PRPF8: variants seen among roughly 807,000 people sequenced by gnomAD.
PRPF8 encodes pre-mRNA-processing-splicing factor 8.
A neutral mutation model predicts 285.9 loss-of-function variants in PRPF8; 64 were observed. That is an observed-to-expected ratio of 0.22 (90% CI 0.18 to 0.28). The LOEUF (loss-of-function observed/expected upper bound fraction) is 0.28. Ranked by LOEUF, PRPF8 falls within the 10% of genes least tolerant of loss-of-function variation. The pLI is 1.00. For synonymous variants in PRPF8, 1,325 were observed against 1,118.2 expected (o/e 1.18, Z -3.69); for missense variants, 1,426 against 3,026.7 (o/e 0.47, Z 12.41).
chr17:1,662,207 TGGA>T lies in PRPF8; in HGVS notation c.3775-57_3775-55del, dbSNP rs373283021. 791 of 1,598,102 alleles carry T rather than the reference TGGA, an allele frequency of 4.9e-4. 3 individuals are homozygous for T. In the African/African-American group the frequency reaches 9.8e-3, roughly 20 times the overall value. ...ACAGATGAGCCAGGGGCGGGGAGGG[TGGA>T]GACTACTTGATGCAGTTAGTTTTAT... On this transcript the variant is annotated intron_variant, in intron 24 of 42. Transcript: ENST00000304992.
At position 1,659,118 on chromosome 17, in the gene PRPF8, C is replaced by T. The variant is rs1170444823; in HGVS notation, c.5138+239G>A. The T allele has an allele frequency of 1.3e-5, 8 of 639,966 alleles. No homozygotes were observed. The highest frequency in any genetic ancestry group is 5.6e-5 in the East Asian group (2 of 35,706). 39.6% of individuals were successfully genotyped at this position (639,966 alleles called of 1,614,324 possible). A position where few individuals can be genotyped will look rare whatever the true frequency, so the allele number is the denominator to read the frequency against. On this transcript the variant is annotated intron_variant, in intron 32 of 42. Transcript: ENST00000304992. This position sits in a 1 kb window ranked among gnomAD's most constrained non-coding sequence, Gnocchi z 5.1. ...TCGGTTCACTGCAAGCTCCGCCTCC[C>T]GGGTTCAAGTAATTCTCCCACCTCA...
rs766993679 is a variant in PRPF8, at chr17:1,680,983, T to C, written c.938A>G (p.Lys313Arg). 1 of 1,613,716 alleles carries C rather than the reference T, an allele frequency of 6.2e-7. No individual in the cohort carries two copies. The highest frequency in any genetic ancestry group is 2.2e-5 in the East Asian group (1 of 44,884). Residue 313 changes from lysine to arginine, a missense_variant, in exon 7 of 43, where the codon AAG becomes AGG. Around this residue, in one of 34 missense-constraint regions of PRPF8, gnomAD observed 157 missense variants for 159.6 expected, o/e 0.98. Transcript: ENST00000304992. ...IIRQPIRTEY[K>R]IAFPYLYNNL... is the part of the protein sequence containing the mutation. Reference sequence around the variant, plus strand: ...GTTGTACAAGTAAGGAAAAGCAATCTTGTACTCAGTGCGGATAGGCTGCCG... The same window carrying C: ...GTTGTACAAGTAAGGAAAAGCAATCCTGTACTCAGTGCGGATAGGCTGCCG...
rs555222082 is a variant in PRPF8 at position 1,680,897 on chromosome 17, C to T, written c.992+32G>A. On this transcript the variant is annotated intron_variant, in intron 7 of 42. Transcript: ENST00000304992. The stretch of plus-strand genomic sequence containing the variant: ...GGCCCAACCTAAACAGCAGCCTTCT[C>T]CTTTCCAAATGTTGTGTTCCAGGTC... 4 of 1,614,154 alleles carry T rather than the reference C, an allele frequency of 2.5e-6. No homozygotes were observed. In the South Asian group the frequency reaches 4.4e-5, roughly 18 times the overall value.
intron 2 of PRPF8, among the ~76,000 whole-genome samples, chr17:1,684,079 G>A (rs1306066176): frequency 6.6e-6 from 1 of 152,020 alleles, no homozygotes; most frequent in Non-Finnish European, 1.5e-5. Context: ...TAGAGACGAG[G>A]TTTCACTGTG....
In PRPF8 at chr17:1,658,405, G is replaced by A. The variant is rs755101805; in HGVS notation, c.5377-24C>T. 3.1e-6 allele frequency: 5 copies of A among 1,614,184 alleles called. No homozygotes were observed. In the East Asian group the frequency reaches 6.7e-5, roughly 22 times the overall value. On this transcript the variant is annotated intron_variant, in intron 33 of 42. Coordinates refer to ENST00000304992, the MANE Select transcript of PRPF8 (RefSeq NM_006445.4). The surrounding 1 kb of genome is among the most constrained non-coding windows in gnomAD (Gnocchi z 4.1). ...GTCTAGAGGAGGACGGCATTCGTTA[G>A]CATGGCCTACACAACACATCCCCAT...
At chr17:1,683,830 G>A in intron 2 of PRPF8, 129 bp from the exon 3 acceptor site, 2 of 1,042,388 alleles carry the variant, frequency 1.9e-6, no homozygotes. Flanking sequence ...AGCACCCCTT[G>A]CCAATTCCCT....
intron 14 of PRPF8, 28 bp from the exon 15 acceptor site, chr17:1,677,200 A>C (rs1912646741): frequency 2.5e-6 from 4 of 1,600,878 alleles, no homozygotes; most frequent in Non-Finnish European, 3.4e-6. Context: ...CAAGGGGATT[A>C]CAAGGAAGAT....
chr17:1,665,159 C>CAAAAA lies in PRPF8; in HGVS notation c.3775-3011_3775-3007dup, dbSNP rs562789942. ...CGGGCGAAAATGTGAGACTCTGCCTCAAAAAAAAAAAAAAAAAAAAAGGGA... is the reference window on the plus strand; with the variant it reads ...CGGGCGAAAATGTGAGACTCTGCCTCAAAAAAAAAAAAAAAAAAAAAAAAAAGGGA... On this transcript the variant is annotated intron_variant, in intron 24 of 42. Coordinates refer to ENST00000304992, the MANE Select transcript of PRPF8 (RefSeq NM_006445.4). Among the ~76,000 whole-genome samples, 514 of 53,330 alleles carry CAAAAA rather than the reference C, an allele frequency of 9.6e-3. 15 individuals are homozygous for CAAAAA. The highest frequency in any genetic ancestry group is 0.029 in the African/African-American group (464 of 16,270). 35.0% of individuals were successfully genotyped at this position (53,330 alleles called of 152,430 possible).
chr17:1,682,792 G>A (rs372858283), intron 3 of PRPF8, among the ~76,000 whole-genome samples: 1 of 152,068 alleles, frequency 6.6e-6, no homozygotes, highest in Non-Finnish European at 1.5e-5. Context: ...ACATTTTTGT[G>A]TCCAAATAGA....
At position 1,651,533 on chromosome 17, in the gene PRPF8, C is replaced by G; in HGVS notation, c.6531G>C (p.Trp2177Cys). The change falls in exon 41 of 43, where the codon TGG (tryptophan) becomes TGC (cysteine). Residue 2177 changes from tryptophan (W) to cysteine (C), a missense_variant. Around this residue, in one of 34 missense-constraint regions of PRPF8, gnomAD observed 160 missense variants for 373.7 expected, o/e 0.43. Coordinates refer to ENST00000304992, the MANE Select transcript of PRPF8 (RefSeq NM_006445.4). This position sits in a 1 kb window ranked among gnomAD's most constrained non-coding sequence, Gnocchi z 5.1. ...GGGACTCATTGGGCTGAGTGTGGAT[C>G]CAACCTAAGGGTTCCATCTCCTATA... ...EYLKEMEPLG[W>C]IHTQPNESPQ... The G allele has an allele frequency of 6.2e-7, 1 of 1,614,116 alleles. No individual in the cohort carries two copies. Among genetic ancestry groups the G allele is most frequent in the Non-Finnish European group, 8.5e-7 (1 of 1,180,030 alleles).
At chr17:1,665,969 C>A (rs1221122365) in intron 24 of PRPF8, among the ~76,000 whole-genome samples, 2 of 147,742 alleles carry the variant, frequency 1.4e-5, no homozygotes, top group African/African-American at 5.1e-5. Context: ...CGAGACCATC[C>A]TCGCAAACAC....
chr17:1,653,039 A>T lies in PRPF8; in HGVS notation c.6369+503T>A. On this transcript the variant is annotated intron_variant, in intron 39 of 42. Coordinates refer to ENST00000304992, the MANE Select transcript of PRPF8 (RefSeq NM_006445.4). This position sits in a 1 kb window ranked among gnomAD's most constrained non-coding sequence, Gnocchi z 4.9. ...AGCTCCACCTCACCTCCCGGGTTCA[A>T]GCAATTCTCCTGTCTCAACCTCCCT... 1 of 232,768 alleles carries T rather than the reference A, an allele frequency of 4.3e-6. No individual in the cohort carries two copies. The highest frequency in any genetic ancestry group is 8.7e-6 in the Non-Finnish European group (1 of 115,526). 14.4% of individuals were successfully genotyped at this position (232,768 alleles called of 1,614,324 possible).
rs979076571 is a variant in PRPF8 at position 1,650,851 on chromosome 17, A to C, written c.6959T>G (p.Leu2320Arg). 4.3e-6 allele frequency: 7 copies of C among 1,614,186 alleles called. No individual in the cohort carries two copies. The highest frequency in any genetic ancestry group is 5.9e-6 in the Non-Finnish European group (7 of 1,180,020). ...CGCAGAGTAAACCTCCCCCTCCTGC[A>C]GGAGAGCAAAGTTGAGGAAGTGAGA... ...RPSHFLNFAL[L>R]QEGEVYSADR... Residue 2320 changes from leucine (L) to arginine (R), a missense_variant, in exon 43 of 43, where the codon CTG becomes CGG. Coordinates refer to ENST00000304992, the MANE Select transcript of PRPF8 (RefSeq NM_006445.4).
chr17:1,673,158 C>A lies in PRPF8; in HGVS notation c.3697G>T (p.Asp1233Tyr), dbSNP rs757177802. The A allele has an allele frequency of 1.9e-6, 3 of 1,614,202 alleles. No individual in the cohort carries two copies. Among genetic ancestry groups the A allele is most frequent in the Non-Finnish European group, 2.5e-6 (3 of 1,180,034 alleles). The change falls in exon 24 of 43, where the codon GAC becomes TAC. Residue 1233 changes from aspartate (D) to tyrosine (Y), a missense_variant. Coordinates refer to ENST00000304992, the MANE Select transcript of PRPF8 (RefSeq NM_006445.4). The surrounding 1 kb of genome is among the most constrained non-coding windows in gnomAD (Gnocchi z 5.5). ...ERTAQCFLRV[D>Y]DESMQRFHNR... ...TGGAAGCGCTGCATTGACTCATCGTCCACACGCAGGAAACACTGAGCTGTG... is the reference window on the plus strand; with the variant it reads ...TGGAAGCGCTGCATTGACTCATCGTACACACGCAGGAAACACTGAGCTGTG...
rs372833851 is a variant in PRPF8, at chr17:1,661,171, C to T, written c.4339-9G>A. ...GGATTCTGCTTCAAAACCTAGATGG[C>T]AAGGCAGGCACGGTCAAGCTTCTGG... On this transcript the variant is annotated splice_polypyrimidine_tract_variant and intron_variant, in intron 27 of 42. Transcript: ENST00000304992. The surrounding 1 kb of genome is among the most constrained non-coding windows in gnomAD (Gnocchi z 7.3). The T allele has an allele frequency of 1.2e-6, 2 of 1,613,986 alleles. No individual in the cohort carries two copies. Among genetic ancestry groups the T allele is most frequent in the African/African-American group, 1.3e-5 (1 of 74,908 alleles).
Position 1,679,401 on chromosome 17 carries a change from C to T in PRPF8, c.1299G>A (p.Glu433=). The part of the protein sequence containing the change: ...DIPLVKNWYR[E]HCPAGQPVKV... Reference sequence around the variant, plus strand: ...TCACAGGCTGCCCGGCAGGACAATGCTCCCGATACCTGGAAAAATAAGCCC... The same window carrying T: ...TCACAGGCTGCCCGGCAGGACAATGTTCCCGATACCTGGAAAAATAAGCCC... Residue 433 remains glutamate, a synonymous_variant, in exon 10 of 43, where the codon GAG becomes GAA. Transcript: ENST00000304992. This position sits in a 1 kb window ranked among gnomAD's most constrained non-coding sequence, Gnocchi z 4.7. The T allele has an allele frequency of 1.9e-6, 3 of 1,612,708 alleles. No individual in the cohort carries two copies. The highest frequency in any genetic ancestry group is 2.0e-4 in the Middle Eastern group (1 of 5,006).
intron 8 of PRPF8, 187 bp downstream of exon 8, chr17:1,680,539 A>G (rs1912857098): frequency 1.5e-6 from 1 of 667,548 alleles, no homozygotes; most frequent in Non-Finnish European, 2.7e-6. Flanking sequence ...ATAATCACAG[A>G]AAACAGGATT....
intron 8 of PRPF8, among the ~76,000 whole-genome samples, chr17:1,680,210 C>T (rs1159875692): frequency 6.6e-6 from 1 of 152,174 alleles, no homozygotes; most frequent in Non-Finnish European, 1.5e-5. Context: ...TTCATTCTAT[C>T]ATATGAAATG....
Position 1,674,461 on chromosome 17 carries a change from G to A in PRPF8, c.3280C>T (p.Arg1094Cys), listed in dbSNP as rs1029078582. The A allele has an allele frequency of 1.5e-5, 24 of 1,614,140 alleles. No individual in the cohort carries two copies. Among genetic ancestry groups the A allele is most frequent in the East Asian group, 2.2e-5 (1 of 44,884 alleles). Residue 1094 changes from arginine (R) to cysteine (C), a missense_variant, in exon 21 of 43, where the codon CGC becomes TGC. This residue lies in a region of PRPF8 where 148 missense variants were observed against 196.2 expected (regional missense o/e 0.75). Coordinates refer to ENST00000304992, the MANE Select transcript of PRPF8 (RefSeq NM_006445.4). ...CCTCACCTGAAAAAAATATGGATGC[G>A]ATCAATGTATCTGCAGAAGAGACGG... ...PIRLFCRYIDRIHIFFRFTAD... is the reference protein window; with the variant it reads ...PIRLFCRYIDCIHIFFRFTAD...
Sources: gnomAD v4.1 joint callset for allele counts (sites outside exome capture counted in the v4.1 genomes callset) on GRCh38, gnomAD v4.1.1 for gene constraint, gnomAD v4.1.1 regional missense constraint, Gnocchi (gnomAD v3.1) non-coding constraint, MANE v1.5 for transcripts, NCBI Gene and HGNC (gene_info 2026-07-23, HGNC 2026-07-21) for gene names.